The following PDSS2 variants were observed in gnomAD, a reference collection of about 807,000 sequenced individuals.
PDSS2 encodes decaprenyl diphosphate synthase subunit 2.
Under a neutral mutation model 44.5 loss-of-function variants are expected in PDSS2, and 31 were observed. The observed-to-expected ratio is 0.70, with a 90% CI of 0.52 to 0.94. The LOEUF is 0.94. Among genes scored for constraint, PDSS2 ranks in the 40% least tolerant of loss-of-function variants. The pLI is 0.00. For missense variants in PDSS2, 452 were observed against 482.2 expected (o/e 0.94, Z 0.59); for synonymous variants, 157 against 180.3 (o/e 0.87, Z 1.03).
chr6:107,447,714 G>A (rs983742070), intron 1 of PDSS2, among the ~76,000 whole-genome samples: 7 of 152,124 alleles, frequency 4.6e-5, no homozygotes, highest in Non-Finnish European at 5.9e-5. Context: ...TACCATTCTG[G>A]GGTCTGAAGG....
chr6:107,382,769 C>T (rs142460713), intron 1 of PDSS2, among the ~76,000 whole-genome samples: 46 of 151,992 alleles, frequency 3.0e-4, no homozygotes, highest in African/African-American at 1.1e-3. Flanking sequence ...CTTAGGATGT[C>T]GAGGCTACAG....
chr6:107,425,072 T>C (rs894279981), intron 1 of PDSS2, among the ~76,000 whole-genome samples: 10 of 152,176 alleles, frequency 6.6e-5, no homozygotes, highest in African/African-American at 2.2e-4. Flanking sequence ...CCTGCCACCA[T>C]CCATGTACGA....
chr6:107,368,402 C>T (rs960785622), intron 1 of PDSS2, among the ~76,000 whole-genome samples: 1 of 151,696 alleles, frequency 6.6e-6, no homozygotes, highest in Non-Finnish European at 1.5e-5. Context: ...TGCTGAAAAC[C>T]GCAAAACTTT....
intron 4 of PDSS2, among the ~76,000 whole-genome samples, chr6:107,215,227 C>T (rs966861780): frequency 3.3e-5 from 5 of 151,846 alleles, no homozygotes; most frequent in African/African-American, 1.2e-4. Context: ...GAAAAAATGT[C>T]CAGAATAAAA....
intron 1 of PDSS2, among the ~76,000 whole-genome samples, chr6:107,418,728 T>C (rs990259909): frequency 6.6e-6 from 1 of 152,092 alleles, no homozygotes. Context: ...TGAGCCGAGA[T>C]TGCGCCACTG....
chr6:107,298,216 A>G (rs1230155134), intron 2 of PDSS2, among the ~76,000 whole-genome samples: 1 of 152,194 alleles, frequency 6.6e-6, no homozygotes, highest in Non-Finnish European at 1.5e-5. Flanking sequence ...AAGGAATGAA[A>G]AGAAACACAC....
chr6:107,363,171 G>A (rs1192642595), intron 1 of PDSS2, among the ~76,000 whole-genome samples: 2 of 152,172 alleles, frequency 1.3e-5, no homozygotes, highest in Non-Finnish European at 2.9e-5. Context: ...TTAATTTACA[G>A]AACAAAGCCA....
chr6:107,457,081 T>C (rs906230770), intron 1 of PDSS2, among the ~76,000 whole-genome samples: 1 of 152,186 alleles, frequency 6.6e-6, no homozygotes, highest in African/African-American at 2.4e-5. Context: ...ACATTCCTGA[T>C]AACTGGGAAC....
intron 2 of PDSS2, among the ~76,000 whole-genome samples, chr6:107,286,037 G>A (rs1776130797): frequency 6.6e-6 from 1 of 151,518 alleles, no homozygotes; most frequent in Non-Finnish European, 1.5e-5. Context: ...CTACTCAGGA[G>A]GCTGAGGTGG....
intron 4 of PDSS2, among the ~76,000 whole-genome samples, chr6:107,218,956 G>T (rs368161897): frequency 4.0e-5 from 6 of 151,892 alleles, no homozygotes; most frequent in African/African-American, 1.4e-4. Flanking sequence ...TATTCAGGAG[G>T]CTGAGGCAGG....
intron 7 of PDSS2, among the ~76,000 whole-genome samples, chr6:107,173,855 T>C (rs1325318168): frequency 2.6e-5 from 4 of 152,152 alleles, no homozygotes; most frequent in African/African-American, 9.7e-5. Flanking sequence ...TATAGTTGTA[T>C]ATTTAGGTTT....
chr6:107,429,432 T>C (rs1051724930), intron 1 of PDSS2, among the ~76,000 whole-genome samples: 2 of 152,142 alleles, frequency 1.3e-5, no homozygotes, highest in African/African-American at 4.8e-5. Context: ...TTGGTAGACA[T>C]ACAAAGAGGC....
At chr6:107,402,451 C>CACACATATATACGTATATATATGTAT (rs1562516005) in intron 1 of PDSS2, among the ~76,000 whole-genome samples, 1 of 8,118 alleles carries the variant, frequency 1.2e-4, no homozygotes, top group African/African-American at 6.5e-4. Context: ...CACACACACA[C>CACACATATATACGTATATATATGTAT]ACATATATAT....
chr6:107,364,618 T>C (rs985478384), intron 1 of PDSS2, among the ~76,000 whole-genome samples: 5 of 152,156 alleles, frequency 3.3e-5, no homozygotes, highest in African/African-American at 1.2e-4. Context: ...TTCCCGCTGG[T>C]GCCTCTCCCT....
At chr6:107,436,599 A>C (rs1485425477) in intron 1 of PDSS2, among the ~76,000 whole-genome samples, 1 of 152,200 alleles carries the variant, frequency 6.6e-6, no homozygotes, top group African/African-American at 2.4e-5. Flanking sequence ...TGTAACTAAA[A>C]GGAGAGATTT....
At chr6:107,211,443 T>C (rs1773200934) in intron 5 of PDSS2, among the ~76,000 whole-genome samples, 1 of 151,910 alleles carries the variant, frequency 6.6e-6, no homozygotes, top group African/African-American at 2.4e-5. Flanking sequence ...TATAAAGAGC[T>C]ATAAGGGGCC....
At chr6:107,291,824 G>A (rs1187739600) in intron 2 of PDSS2, among the ~76,000 whole-genome samples, 1 of 151,724 alleles carries the variant, frequency 6.6e-6, no homozygotes, top group Non-Finnish European at 1.5e-5. Flanking sequence ...GACCAGCCTG[G>A]GCAACATAGA....
intron 2 of PDSS2, among the ~76,000 whole-genome samples, chr6:107,288,846 G>T (rs1016282521): frequency 2.3e-5 from 3 of 130,792 alleles, no homozygotes; most frequent in African/African-American, 8.8e-5. Flanking sequence ...TGCAACCTCC[G>T]CCTACCGGAT....
At chr6:107,398,809 A>C (rs1780023201) in intron 1 of PDSS2, among the ~76,000 whole-genome samples, 1 of 152,212 alleles carries the variant, frequency 6.6e-6, no homozygotes, top group Admixed American at 6.5e-5. Context: ...CCTGATCTAG[A>C]AACATGTCCA....
Sources: gnomAD v4.1 joint callset for allele counts (sites outside exome capture counted in the v4.1 genomes callset) on GRCh38, gnomAD v4.1.1 for gene constraint, MANE v1.5 for transcripts, NCBI Gene and HGNC (gene_info 2026-07-23, HGNC 2026-07-21) for gene names.